Variants in AGMO observed in about 807,000 individuals in gnomAD.
AGMO encodes glyceryl-ether monooxygenase.
A neutral mutation model predicts 60.2 loss-of-function variants in AGMO; 75 were observed. The ratio of observed to expected loss-of-function variants is 1.25; its 90% CI spans 1.03 to 1.51. AGMO has a LOEUF of 1.51. Ranked by LOEUF, AGMO falls within the 40% of genes most tolerant of loss-of-function variation. The probability of loss-of-function intolerance (pLI) is 0.00; values close to 1 mark genes in which losing one functional copy is unlikely to be tolerated. For missense variants in AGMO, 763 were observed against 525.5 expected (o/e 1.45, Z -4.42); for synonymous variants, 261 against 177.1 (o/e 1.47, Z -3.76).
chr7:15,223,959 C>G (rs1022215801), intron 12 of AGMO, among the ~76,000 whole-genome samples: 4 of 151,950 alleles, frequency 2.6e-5, no homozygotes, highest in African/African-American at 9.7e-5. Flanking sequence ...TGGCTGGAGG[C>G]TATCAAGTAA....
intron 12 of AGMO, among the ~76,000 whole-genome samples, chr7:15,222,868 A>G (rs529558328): frequency 6.6e-6 from 1 of 152,122 alleles, no homozygotes; most frequent in East Asian, 1.9e-4. Flanking sequence ...ATTTTCCCCA[A>G]CATGCGTAAC....
intron 12 of AGMO, among the ~76,000 whole-genome samples, chr7:15,352,780 G>A (rs1332168230): frequency 2.0e-5 from 3 of 151,672 alleles, no homozygotes; most frequent in East Asian, 1.9e-4. Flanking sequence ...CCATTATCTA[G>A]TATCTGAAAT....
chr7:15,254,730 C>A (rs1196009905), intron 12 of AGMO, among the ~76,000 whole-genome samples: 3 of 150,642 alleles, frequency 2.0e-5, no homozygotes, highest in African/African-American at 4.9e-5. Flanking sequence ...AATAGACAAA[C>A]CTTTAACCAG....
chr7:15,168,508 G>C, the AGMO span, among the ~76,000 whole-genome samples: 1 of 152,264 alleles, frequency 6.6e-6, no homozygotes, highest in East Asian at 1.9e-4. Context: ...GCTAAGACGG[G>C]AATTGTGGAG....
At chr7:15,140,317 ACTT>A in the AGMO span, among the ~76,000 whole-genome samples, 7 of 152,082 alleles carry the variant, frequency 4.6e-5, no homozygotes, top group African/African-American at 1.7e-4. Context: ...TCAAATTAAT[ACTT>A]CTTTGAGGAG....
chr7:15,408,318 C>A (rs1288471899), intron 5 of AGMO, among the ~76,000 whole-genome samples: 1 of 151,552 alleles, frequency 6.6e-6, no homozygotes, highest in African/African-American at 2.4e-5. Flanking sequence ...TTAGGAGCAC[C>A]CTAATATTAT....
chr7:15,360,483 A>G (rs956225665), intron 12 of AGMO, among the ~76,000 whole-genome samples: 3 of 152,242 alleles, frequency 2.0e-5, no homozygotes, highest in African/African-American at 7.2e-5. Flanking sequence ...TATTCTCACA[A>G]TAAAGCTAAA....
At chr7:15,237,881 T>G (rs1782475210) in intron 12 of AGMO, among the ~76,000 whole-genome samples, 1 of 152,234 alleles carries the variant, frequency 6.6e-6, no homozygotes, top group African/African-American at 2.4e-5. Context: ...TTCTTTCAAC[T>G]TCTTGACAAT....
Position 15,242,903 on chromosome 7 carries a change from G to A in AGMO, c.1264-41544C>T, listed in dbSNP as rs998427547. Among the ~76,000 whole-genome samples the A allele has an allele frequency of 3.3e-5, 5 of 152,130 alleles. No homozygotes were observed. The East Asian group carries it at 9.7e-4, about 29-fold the overall frequency. ...ACATTAAGTGTATATAATGATGAAT[G>A]CTACTACAATATTTTAGGAAGTTCA... On this transcript the variant is annotated intron_variant, in intron 12 of 12. Transcript: ENST00000342526.
chr7:15,304,931 G>A lies in AGMO; in HGVS notation c.1263+60583C>T, dbSNP rs75775610. The stretch of plus-strand genomic sequence containing the variant: ...TAGTTAAATCTTGGAGAGCACACTG[G>A]ATAAAAATTTTCTCTTGCTTCCCCC... On this transcript the variant is annotated intron_variant, in intron 12 of 12. Coordinates refer to ENST00000342526, the MANE Select transcript of AGMO (RefSeq NM_001004320.2). Among the ~76,000 whole-genome samples, 473 of 152,028 alleles carry A rather than the reference G, an allele frequency of 3.1e-3. 2 individuals carry two copies. The highest frequency in any genetic ancestry group is 0.011 in the African/African-American group (445 of 41,484).
At chr7:15,382,018 A>C (rs888214378) in intron 10 of AGMO, among the ~76,000 whole-genome samples, 1 of 152,034 alleles carries the variant, frequency 6.6e-6, no homozygotes, top group African/African-American at 2.4e-5. Context: ...ACTGGGGTCT[A>C]TTGGAGGGTG....
intron 2 of AGMO, among the ~76,000 whole-genome samples, chr7:15,552,641 G>T (rs1038730000): frequency 1.8e-4 from 26 of 148,270 alleles, no homozygotes; most frequent in Non-Finnish European, 3.1e-4. Flanking sequence ...ACACCAGTTA[G>T]AATGGCAATC....
chr7:15,332,214 T>C (rs1048183260), intron 12 of AGMO, among the ~76,000 whole-genome samples: 2 of 152,126 alleles, frequency 1.3e-5, no homozygotes, highest in Non-Finnish European at 2.9e-5. Context: ...ACAGTAAGTA[T>C]TGTGGTGTTG....
chr7:15,352,711 G>A (rs1221308679), intron 12 of AGMO, among the ~76,000 whole-genome samples: 3 of 151,744 alleles, frequency 2.0e-5, no homozygotes, highest in African/African-American at 7.3e-5. Context: ...TGGAAACCAC[G>A]TTGACGGTCT....
intron 12 of AGMO, among the ~76,000 whole-genome samples, chr7:15,221,069 G>C (rs1192640995): frequency 6.6e-6 from 1 of 152,142 alleles, no homozygotes; most frequent in African/African-American, 2.4e-5. Flanking sequence ...AAGAAAAGAA[G>C]GAGAAAGAGG....
intron 3 of AGMO, among the ~76,000 whole-genome samples, chr7:15,486,356 T>A (rs910012212): frequency 3.3e-5 from 5 of 152,150 alleles, no homozygotes; most frequent in African/African-American, 1.2e-4. Flanking sequence ...CCTGGATTTA[T>A]TAAAAAAACA....
chr7:15,252,080 C>G (rs547630649), intron 12 of AGMO, among the ~76,000 whole-genome samples: 32 of 152,190 alleles, frequency 2.1e-4, no homozygotes, highest in Admixed American at 2.1e-3. Context: ...GGAAACAGAG[C>G]CAGAAGTTTA....
intron 10 of AGMO, among the ~76,000 whole-genome samples, chr7:15,380,945 T>A (rs1583482340): frequency 6.6e-6 from 1 of 152,162 alleles, no homozygotes; most frequent in Admixed American, 6.6e-5. Context: ...GATTCCCTAA[T>A]TCAATAAATG....
intron 10 of AGMO, among the ~76,000 whole-genome samples, chr7:15,368,146 G>C (rs1783056602): frequency 2.0e-5 from 3 of 151,998 alleles, no homozygotes; most frequent in Non-Finnish European, 4.4e-5. Flanking sequence ...TTTAGGAATA[G>C]GGGCACAATG....
Sources: allele counts gnomAD v4.1 joint callset (sites outside exome capture counted in the v4.1 genomes callset), GRCh38; gene constraint gnomAD v4.1.1; transcripts MANE v1.5; gene names NCBI Gene and HGNC (gene_info 2026-07-23, HGNC 2026-07-21).